Variants in AHCYL2 observed in about 807,000 individuals in gnomAD.
AHCYL2 encodes adenosylhomocysteinase like 2, also known as S-adenosylhomocysteine hydrolase-like protein 2.
Under a neutral mutation model 81.4 loss-of-function variants are expected in AHCYL2, and 28 were observed. That is an observed-to-expected ratio of 0.34 (90% CI 0.25 to 0.47). The LOEUF is 0.47. Ranked by LOEUF, AHCYL2 falls within the 20% of genes least tolerant of loss-of-function variation. AHCYL2 has a pLI of 1.00. For synonymous variants in AHCYL2, 272 were observed against 290.2 expected (o/e 0.94, Z 0.64); for missense variants, 551 against 785.1 (o/e 0.70, Z 3.56).
Position 129,290,480 on chromosome 7 carries a change from G to A in AHCYL2, c.363+65041G>A, listed in dbSNP as rs1447870752. Among the ~76,000 whole-genome samples the A allele has an allele frequency of 6.2e-5, 9 of 145,984 alleles. No individual in the cohort carries two copies. The East Asian group carries it at 1.6e-3, about 26-fold the overall frequency. On this transcript the variant is annotated intron_variant, in intron 1 of 16. Coordinates refer to ENST00000325006, the MANE Select transcript of AHCYL2 (RefSeq NM_015328.4). ...TGCGCCACTGCACTCCAGCCTGGGC[G>A]ACAGAGTGAGACTCTGTCTCAAAAA...
chr7:129,320,345 GTCT>G (rs1254776019), intron 1 of AHCYL2, among the ~76,000 whole-genome samples: 5 of 152,150 alleles, frequency 3.3e-5, no homozygotes, highest in Admixed American at 1.3e-4. Context: ...TTGAGATAGA[GTCT>G]TCTTCTGTCA....
chr7:129,307,933 C>G (rs540335375), intron 1 of AHCYL2, among the ~76,000 whole-genome samples: 1 of 151,974 alleles, frequency 6.6e-6, no homozygotes, highest in Non-Finnish European at 1.5e-5. Context: ...CTCTTTCCTA[C>G]TGTGGCTGAA....
rs1009647042 is a variant in AHCYL2 at position 129,377,800 on chromosome 7, G to A, written c.364-1838G>A. 6.6e-5 allele frequency among the ~76,000 whole-genome samples: 10 copies of A among 152,234 alleles called. 1 individual carries two copies. The East Asian group carries it at 1.5e-3, about 24-fold the overall frequency. Reference sequence around the variant, plus strand: ...TTACAAGTGACCTTTGATTTGTAGAGTATTATAAAGTATCAGCTGGAACCT... The same window carrying A: ...TTACAAGTGACCTTTGATTTGTAGAATATTATAAAGTATCAGCTGGAACCT... On this transcript the variant is annotated intron_variant, in intron 1 of 16. Coordinates refer to ENST00000325006, the MANE Select transcript of AHCYL2 (RefSeq NM_015328.4).
At chr7:129,379,785 G>A in intron 2 of AHCYL2, 36 bp downstream of exon 2, 1 of 1,549,182 alleles carries the variant, frequency 6.5e-7, no homozygotes, top group South Asian at 1.1e-5. Context: ...AGCTGTTGAG[G>A]CTAATAAGTA....
chr7:129,227,104 C>G (rs1310657552), intron 1 of AHCYL2, among the ~76,000 whole-genome samples: 1 of 152,106 alleles, frequency 6.6e-6, no homozygotes, highest in Non-Finnish European at 1.5e-5. Context: ...CCAAATTACA[C>G]AAATCAGTTT....
chr7:129,229,857 G>C (rs888599729), intron 1 of AHCYL2, among the ~76,000 whole-genome samples: 2 of 152,160 alleles, frequency 1.3e-5, no homozygotes, highest in Admixed American at 6.5e-5. Flanking sequence ...CTGATAATCT[G>C]AGAAATTTAT....
intron 1 of AHCYL2, among the ~76,000 whole-genome samples, chr7:129,322,865 G>A (rs1798089245): frequency 6.6e-6 from 1 of 152,006 alleles, no homozygotes; most frequent in African/African-American, 2.4e-5. Context: ...CAAAATGCTG[G>A]GATTACAGGT....
Position 129,409,556 on chromosome 7 carries a change from T to C in AHCYL2, c.1366+10T>C, listed in dbSNP as rs1796464629. The stretch of plus-strand genomic sequence containing the variant: ...GTTATTACCTGTACAGGTATGATAA[T>C]GACATTTTAAATGGGGTGGCACTTG... On this transcript the variant is annotated intron_variant, in intron 11 of 16. Transcript: ENST00000325006. 1.0e-5 allele frequency: 16 copies of C among 1,600,750 alleles called. No individual in the cohort carries two copies. Among genetic ancestry groups the C allele is most frequent in the Non-Finnish European group, 1.4e-5 (16 of 1,171,130 alleles).
intron 1 of AHCYL2, among the ~76,000 whole-genome samples, chr7:129,304,332 C>T (rs1797351097): frequency 1.3e-5 from 2 of 152,258 alleles, no homozygotes; most frequent in East Asian, 3.9e-4. Context: ...GATCCATGTA[C>T]TGAGGAGAAG....
intron 1 of AHCYL2, among the ~76,000 whole-genome samples, chr7:129,325,104 C>T (rs1563197381): frequency 6.6e-6 from 1 of 151,980 alleles, no homozygotes; most frequent in Admixed American, 6.6e-5. Flanking sequence ...TTTGTATTTA[C>T]CATTTTTGGT....
intron 10 of AHCYL2, among the ~76,000 whole-genome samples, chr7:129,408,173 T>C (rs1218185882): frequency 6.6e-6 from 1 of 152,192 alleles, no homozygotes; most frequent in Admixed American, 6.5e-5. Flanking sequence ...ACTGAAGTAT[T>C]TTAAGGAAAG....
chr7:129,253,605 A>G (rs1368451407), intron 1 of AHCYL2, among the ~76,000 whole-genome samples: 2 of 152,258 alleles, frequency 1.3e-5, no homozygotes, highest in African/African-American at 2.4e-5. Context: ...ATAAGGTTGT[A>G]ATTAAGAAAT....
At chr7:129,302,924 T>G (rs543211228) in intron 1 of AHCYL2, among the ~76,000 whole-genome samples, 2 of 152,250 alleles carry the variant, frequency 1.3e-5, no homozygotes, top group South Asian at 4.1e-4. Flanking sequence ...TTGAGTAAGA[T>G]TGGTGTTAGT....
chr7:129,225,802 C>T (rs1279844053), intron 1 of AHCYL2, among the ~76,000 whole-genome samples: 1 of 152,188 alleles, frequency 6.6e-6, no homozygotes, highest in African/African-American at 2.4e-5. Context: ...ATAGAAAAAC[C>T]TTACCGCTCA....
In AHCYL2 at chr7:129,389,846, A is replaced by G. The variant is rs186304826; in HGVS notation, c.720+112A>G. ...TTAAGAGCTTAACAAGTATTAGCTT[A>G]TTAATCCTTATAATGGCCATATAAA... On this transcript the variant is annotated intron_variant, in intron 4 of 16. Coordinates refer to ENST00000325006, the MANE Select transcript of AHCYL2 (RefSeq NM_015328.4). 1.6e-3 allele frequency: 1,294 copies of G among 788,460 alleles called. 4 individuals carry two copies. Among genetic ancestry groups the G allele is most frequent in the Admixed American group, 2.8e-3 (84 of 29,916 alleles). 48.8% of individuals were successfully genotyped at this position (788,460 alleles called of 1,614,324 possible).
At chr7:129,316,771 G>C (rs1433918857) in intron 1 of AHCYL2, among the ~76,000 whole-genome samples, 1 of 152,184 alleles carries the variant, frequency 6.6e-6, no homozygotes, top group Non-Finnish European at 1.5e-5. Context: ...AATTTCCTAA[G>C]ACTTTCCCTT....
chr7:129,299,366 C>CTTCTTTTTTTTTTTT (rs1563186610), intron 1 of AHCYL2, among the ~76,000 whole-genome samples: 1 of 83,732 alleles, frequency 1.2e-5, no homozygotes, highest in African/African-American at 4.5e-5. Context: ...GAGAGTCCAA[C>CTTCTTTTTTTTTTTT]TTGTTTTTTT....
chr7:129,264,608 A>G (rs1431700672), intron 1 of AHCYL2, among the ~76,000 whole-genome samples: 1 of 152,230 alleles, frequency 6.6e-6, no homozygotes, highest in Non-Finnish European at 1.5e-5. Context: ...AGGATACCCA[A>G]ATTAGCCATT....
intron 1 of AHCYL2, among the ~76,000 whole-genome samples, chr7:129,237,877 C>T (rs1370118262): frequency 1.3e-5 from 2 of 151,978 alleles, no homozygotes; most frequent in African/African-American, 4.8e-5. Context: ...ACCACTGCAC[C>T]CAGCTAATTT....
Sources: allele counts gnomAD v4.1 joint callset (sites outside exome capture counted in the v4.1 genomes callset), GRCh38; gene constraint gnomAD v4.1.1; transcripts MANE v1.5; gene names NCBI Gene and HGNC (gene_info 2026-07-23, HGNC 2026-07-21).